Variants in TNFRSF21 observed in about 807,000 individuals in gnomAD.
The protein encoded by TNFRSF21 is TNF receptor superfamily member 21, also known as tumor necrosis factor receptor superfamily member 21.
A neutral mutation model predicts 45.6 loss-of-function variants in TNFRSF21; 19 were observed. That is an observed-to-expected ratio of 0.42 (90% CI 0.29 to 0.61). TNFRSF21 has a LOEUF of 0.61. TNFRSF21 is among the 20% of genes least tolerant of loss of function. TNFRSF21 has a pLI of 0.23. For missense variants in TNFRSF21, 737 were observed against 851.5 expected (o/e 0.87, Z 1.67); for synonymous variants, 314 against 335.5 (o/e 0.94, Z 0.70).
In TNFRSF21 at chr6:47,259,535, C is replaced by T. The variant is rs533898197; in HGVS notation, c.1244-6014G>A. ...AACTACATGTGTGCACCACCAGGCC[C>T]AGCTAATTTTTGTATTTTTAGTAGA... On this transcript the variant is annotated intron_variant, in intron 3 of 5. Coordinates refer to ENST00000296861, the MANE Select transcript of TNFRSF21 (RefSeq NM_014452.5). 2.6e-4 allele frequency among the ~76,000 whole-genome samples: 40 copies of T among 152,264 alleles called. 1 individual carries two copies. In the South Asian group the frequency reaches 6.8e-3, roughly 26 times the overall value.
At chr6:47,249,553 T>C (rs568567078) in intron 4 of TNFRSF21, among the ~76,000 whole-genome samples, 15 of 152,268 alleles carry the variant, frequency 9.9e-5, no homozygotes, top group African/African-American at 3.4e-4. Context: ...CAGGTAGAAG[T>C]TGAAGCTCCA....
At chr6:47,251,803 C>T (rs1191475788) in intron 4 of TNFRSF21, among the ~76,000 whole-genome samples, 1 of 152,160 alleles carries the variant, frequency 6.6e-6, no homozygotes, top group East Asian at 1.9e-4. Flanking sequence ...CCTCACTTTC[C>T]CCCAAATCCA....
rs1491326166 is a variant in TNFRSF21 at position 47,232,623 on chromosome 6, A to AC, written c.*141_*142insG. ...TCAAGCACTGGCCATATTCTCTGTT[A>AC]AACACACACACACACACACACACAC... On this transcript the variant is annotated 3_prime_UTR_variant, in exon 6 of 6. Coordinates refer to ENST00000296861, the MANE Select transcript of TNFRSF21 (RefSeq NM_014452.5). 2 of 590,666 alleles carry AC rather than the reference A, an allele frequency of 3.4e-6. No homozygotes were observed. The highest frequency in any genetic ancestry group is 2.7e-5 in the African/African-American group (1 of 37,158). The allele number at this position is 590,666 out of a possible 1,614,324, so 36.6% of individuals were successfully genotyped here. A position where few individuals can be genotyped will look rare whatever the true frequency, so the allele number is the denominator to read the frequency against.
chr6:47,268,162 G>A (rs185710445), intron 3 of TNFRSF21, among the ~76,000 whole-genome samples: 7 of 152,308 alleles, frequency 4.6e-5, no homozygotes, highest in East Asian at 3.9e-4. Context: ...CCACTGACTC[G>A]TGGTGTGGCC....
chr6:47,282,640 C>T (rs1226798472), intron 3 of TNFRSF21, among the ~76,000 whole-genome samples: 1 of 152,088 alleles, frequency 6.6e-6, no homozygotes, highest in African/African-American at 2.4e-5. Flanking sequence ...CACATAAATC[C>T]CACCACACTG....
At chr6:47,304,953 T>G (rs2295259) in intron 1 of TNFRSF21, among the ~76,000 whole-genome samples, 21,109 of 152,230 alleles carry the variant, frequency 0.14, 2,163 homozygotes, top group East Asian at 0.47. Context: ...CAGCACAGGT[T>G]CTGCGCTCCC....
chr6:47,283,977 G>A lies in TNFRSF21; in HGVS notation c.1204C>T (p.Gln402Ter). Residue 402 changes from glutamine to a stop codon, truncating the protein, a stop_gained, in exon 3 of 6, where the codon CAG (glutamine) becomes TAG (stop). Coordinates refer to ENST00000296861, the MANE Select transcript of TNFRSF21 (RefSeq NM_014452.5). LOFTEE classifies it high-confidence loss of function. ...AGLKKSMTPT[Q>*]NREKWIYYCN... ...TAGTAGATCCATTTCTCCCGGTTCT[G>A]GGTTGGAGTCATGGATTTCTTCAGC... The A allele has an allele frequency of 1.2e-6, 2 of 1,614,152 alleles. No homozygotes were observed.
intron 3 of TNFRSF21, among the ~76,000 whole-genome samples, chr6:47,267,338 G>A (rs1379584882): frequency 6.6e-6 from 1 of 152,070 alleles, no homozygotes; most frequent in African/African-American, 2.4e-5. Flanking sequence ...GACCTCAAGT[G>A]ATCAGCCCGC....
rs551810220 is a variant in TNFRSF21, at chr6:47,232,068, C to A, written c.*697G>T. 1 of 152,438 alleles carries A rather than the reference C, an allele frequency of 6.6e-6. No homozygotes were observed. Among genetic ancestry groups the A allele is most frequent in the African/African-American group, 2.4e-5 (1 of 41,426 alleles). The allele number at this position is 152,438 out of a possible 1,614,324, so 9.4% of individuals were successfully genotyped here. The stretch of plus-strand genomic sequence containing the variant: ...TTAGCATAAGAAGAGTACAAGTAAT[C>A]AAGCATTCTACACGGTGTCCAGGTG... On this transcript the variant is annotated 3_prime_UTR_variant, in exon 6 of 6. Coordinates refer to ENST00000296861, the MANE Select transcript of TNFRSF21 (RefSeq NM_014452.5).
rs1683817890 is a variant in TNFRSF21 at position 47,232,822 on chromosome 6, C to T, written c.1911G>A (p.Gln637=). Reference sequence around the variant, plus strand: ...AGTCCAGGAGGGTCTGGCTGGCTTCCTGGCTCTTGACTCCAATAATTTCGA... The same window carrying T: ...AGTCCAGGAGGGTCTGGCTGGCTTCTTGGCTCTTGACTCCAATAATTTCGA... ...RLFEIIGVKS[Q]EASQTLLDSV... The change falls in exon 6 of 6, where the codon CAG becomes CAA. Residue 637 remains glutamine, a synonymous_variant. Coordinates refer to ENST00000296861, the MANE Select transcript of TNFRSF21 (RefSeq NM_014452.5). The T allele has an allele frequency of 1.2e-6, 2 of 1,614,092 alleles. No individual in the cohort carries two copies. Among genetic ancestry groups the T allele is most frequent in the Admixed American group, 3.3e-5 (2 of 59,998 alleles).
intron 1 of TNFRSF21, among the ~76,000 whole-genome samples, chr6:47,296,568 A>C (rs1458802844): frequency 1.3e-5 from 2 of 152,116 alleles, no homozygotes; most frequent in Non-Finnish European, 2.9e-5. Context: ...TTTCAACCCC[A>C]CCTCCAACCT....
In TNFRSF21 at chr6:47,233,174, G is replaced by A. The variant is rs559181294; in HGVS notation, c.1739-180C>T. On this transcript the variant is annotated intron_variant, in intron 5 of 5. Coordinates refer to ENST00000296861, the MANE Select transcript of TNFRSF21 (RefSeq NM_014452.5). ...CTGGCACATTCGAAACAACACAAGAGTTTTTACTTGTGTTGCACGTGTAAG... is the reference window on the plus strand; with the variant it reads ...CTGGCACATTCGAAACAACACAAGAATTTTTACTTGTGTTGCACGTGTAAG... 1.8e-4 allele frequency among the ~76,000 whole-genome samples: 28 copies of A among 152,276 alleles called. No individual in the cohort carries two copies. In the East Asian group the frequency reaches 2.1e-3, roughly 12 times the overall value.
chr6:47,309,600 G>T lies in TNFRSF21; in HGVS notation c.-89C>A. 7.3e-7 allele frequency: 1 copy of T among 1,366,110 alleles called. No homozygotes were observed. The highest frequency in any genetic ancestry group is 9.4e-7 in the Non-Finnish European group (1 of 1,068,282). 84.6% of individuals were successfully genotyped at this position (1,366,110 alleles called of 1,614,324 possible). A position where few individuals can be genotyped will look rare whatever the true frequency, so the allele number is the denominator to read the frequency against. On this transcript the variant is annotated 5_prime_UTR_variant, in exon 1 of 6. Coordinates refer to ENST00000296861, the MANE Select transcript of TNFRSF21 (RefSeq NM_014452.5). ...TCTGCCCAGCGCCGCATCCACCGCC[G>T]CCTCCCGGGCCGGGAGCCCATCTAC...
At chr6:47,243,313 T>C (rs1764774154) in intron 4 of TNFRSF21, among the ~76,000 whole-genome samples, 1 of 152,228 alleles carries the variant, frequency 6.6e-6, no homozygotes, top group South Asian at 2.1e-4. Flanking sequence ...TAAGTATATA[T>C]GTTCTCCACC....
At position 47,232,624 on chromosome 6, in the gene TNFRSF21, AACACACACAC is replaced by A. The variant is rs34093099; in HGVS notation, c.*131_*140del. 188 of 563,274 alleles carry A rather than the reference AACACACACAC, an allele frequency of 3.3e-4. 1 individual carries two copies. The highest frequency in any genetic ancestry group is 2.9e-3 in the African/African-American group (144 of 50,258). The allele number at this position is 563,274 out of a possible 1,614,324, so 34.9% of individuals were successfully genotyped here. The stretch of plus-strand genomic sequence containing the variant: ...CAAGCACTGGCCATATTCTCTGTTA[AACACACACAC>A]ACACACACACACACACACACACACA... On this transcript the variant is annotated 3_prime_UTR_variant, in exon 6 of 6. Coordinates refer to ENST00000296861, the MANE Select transcript of TNFRSF21 (RefSeq NM_014452.5).
intron 4 of TNFRSF21, among the ~76,000 whole-genome samples, chr6:47,243,894 T>C (rs1233072149): frequency 6.6e-6 from 1 of 151,452 alleles, no homozygotes; most frequent in Non-Finnish European, 1.5e-5. Context: ...TCTTTTGCTA[T>C]TACACATGAC....
rs1762988969 is a variant in TNFRSF21, at chr6:47,309,583, G to C, written c.-72C>G. On this transcript the variant is annotated 5_prime_UTR_variant, in exon 1 of 6. Coordinates refer to ENST00000296861, the MANE Select transcript of TNFRSF21 (RefSeq NM_014452.5). ...TGGAATCGGCGGCTGCTTCTGCCCA[G>C]CGCCGCATCCACCGCCGCCTCCCGG... is the stretch of plus-strand genomic sequence containing the variant. 8.7e-6 allele frequency: 12 copies of C among 1,373,354 alleles called. No individual in the cohort carries two copies. In the Middle Eastern group the frequency reaches 1.6e-3, roughly 184 times the overall value. The allele number at this position is 1,373,354 out of a possible 1,614,324, so 85.1% of individuals were successfully genotyped here.
chr6:47,237,258 T>C (rs1031044150), intron 4 of TNFRSF21, among the ~76,000 whole-genome samples: 1 of 152,214 alleles, frequency 6.6e-6, no homozygotes, highest in African/African-American at 2.4e-5. Flanking sequence ...GCATTTTGAC[T>C]TCATCTAAAG....
At chr6:47,286,668 G>A (rs1338992896) in intron 1 of TNFRSF21, 73 bp from the exon 2 acceptor site, 12 of 1,462,322 alleles carry the variant, frequency 8.2e-6, no homozygotes, top group Non-Finnish European at 1.1e-5. Context: ...GCAGAAAAAG[G>A]GCCAACAATT....
Sources: gnomAD v4.1 joint callset for allele counts (sites outside exome capture counted in the v4.1 genomes callset) on GRCh38, gnomAD v4.1.1 for gene constraint, MANE v1.5 for transcripts, NCBI Gene and HGNC (gene_info 2026-07-23, HGNC 2026-07-21) for gene names.